The following DOT1L variants were observed in gnomAD, a reference collection of about 807,000 sequenced individuals.
The protein encoded by DOT1L is histone-lysine N-methyltransferase, H3 lysine-79 specific.
DOT1L carries 33 observed loss-of-function variants against 153.3 expected under a neutral mutation model. The observed-to-expected ratio is 0.22, with a 90% CI of 0.16 to 0.29. DOT1L has a LOEUF of 0.29. Among genes scored for constraint, DOT1L ranks in the 10% least tolerant of loss-of-function variants. The pLI, the probability that DOT1L is intolerant of heterozygous loss-of-function variation, is 1.00. For missense variants in DOT1L, 1,847 were observed against 2,119.9 expected (o/e 0.87, Z 2.53); for synonymous variants, 1,135 against 965.1 (o/e 1.18, Z -3.26).
intron 27 of DOT1L, chr19:2,227,909 T>TCCGCCG: frequency 4.0e-6 from 4 of 996,096 alleles, no homozygotes; most frequent in Non-Finnish European, 4.9e-6. Context: ...GGCCGCCCCC[T>TCCGCCG]CCGCCTCCGC....
chr19:2,223,714 A>G (rs1001063756), intron 25 of DOT1L, among the ~76,000 whole-genome samples: 1 of 152,194 alleles, frequency 6.6e-6, no homozygotes, highest in Admixed American at 6.5e-5. Flanking sequence ...GAGCAGGGCC[A>G]TCGGTTAGAA....
chr19:2,226,724 C>T lies in DOT1L; in HGVS notation c.4203C>T (p.Asp1401=). The change falls in exon 27 of 28, where the codon GAC becomes GAT. Residue 1401 remains aspartate, a synonymous_variant. Transcript: ENST00000398665. ...EGGLPLCGPT[D]KTPLLSGKAA... is the part of the protein sequence containing the mutation. ...GCCTACCGCTGTGCGGGCCCACGGA[C>T]AAGACCCCACTGCTGAGCGGCAAGG... 1 of 1,561,746 alleles carries T rather than the reference C, an allele frequency of 6.4e-7. No individual in the cohort carries two copies. The highest frequency in any genetic ancestry group is 8.6e-7 in the Non-Finnish European group (1 of 1,158,696).
At chr19:2,202,898 G>T in intron 9 of DOT1L, 119 bp downstream of exon 9, 1 of 882,596 alleles carries the variant, frequency 1.1e-6, no homozygotes, top group Non-Finnish European at 1.8e-6. Context: ...CAGTCCCCTT[G>T]GAGCCAGGTG....
chr19:2,199,062 C>T (rs932879362), intron 7 of DOT1L, among the ~76,000 whole-genome samples: 2 of 152,280 alleles, frequency 1.3e-5, no homozygotes, highest in African/African-American at 2.4e-5. Context: ...TTTTATTTCT[C>T]CTGGGAATGG....
In DOT1L at chr19:2,211,154, G is replaced by T. The variant is rs765709688; in HGVS notation, c.1407G>T (p.Arg469=). The stretch of plus-strand genomic sequence containing the variant: ...ACCAGCTACCTCCGAGCGTGCAGCG[G>T]CACTCCCCCAACCCGCTGCTGGTGG... ...PFYQLPPSVQ[R]HSPNPLLVAP... The change falls in exon 15 of 28, where the codon CGG becomes CGT. Residue 469 remains arginine (R), a synonymous_variant. Coordinates refer to ENST00000398665, the MANE Select transcript of DOT1L (RefSeq NM_032482.3). 6.2e-6 allele frequency: 10 copies of T among 1,612,838 alleles called. No homozygotes were observed. Among genetic ancestry groups the T allele is most frequent in the Non-Finnish European group, 8.5e-6 (10 of 1,179,746 alleles).
At chr19:2,224,890 G>A (rs2024267098) in intron 25 of DOT1L, among the ~76,000 whole-genome samples, 1 of 152,188 alleles carries the variant, frequency 6.6e-6, no homozygotes, top group African/African-American at 2.4e-5. Flanking sequence ...TGGTTTCCAG[G>A]ATCTTTAGGA....
Position 2,216,422 on chromosome 19 carries a change from C to G in DOT1L, c.2065C>G (p.Arg689Gly), listed in dbSNP as rs375109653. Residue 689 changes from arginine (R) to glycine (G), a missense_variant, in exon 20 of 28, where the codon CGG becomes GGG. Physicochemically the swap from Arg to Gly is moderately radical, Grantham distance 125 (BLOSUM62 -2). Around this residue, in one of 8 missense-constraint regions of DOT1L, gnomAD observed 281 missense variants for 263.6 expected, o/e 1.07. Transcript: ENST00000398665. ...LGRELEPDASRLHLELDCTKF... is the reference protein window; with the variant it reads ...LGRELEPDASGLHLELDCTKF... ...CCGCGAGCTGGAGCCTGACGCCAGC[C>G]GGCTGCACCTGGAGCTGGACTGCAC... 1.2e-5 allele frequency: 19 copies of G among 1,612,524 alleles called. No homozygotes were observed. The highest frequency in any genetic ancestry group is 1.6e-5 in the Non-Finnish European group (19 of 1,179,902).
Position 2,169,091 on chromosome 19 carries a change from ACT to A in DOT1L, c.81+4831_81+4832del, listed in dbSNP as rs2020032664. 2.0e-5 allele frequency among the ~76,000 whole-genome samples: 3 copies of A among 151,798 alleles called. No individual in the cohort carries two copies. The South Asian group carries it at 6.2e-4, about 32-fold the overall frequency. ...CGGCCTCCACTGGCCAAGGGTCCGGACTCTCTGACTCTCATTAATGAGTGAGT... is the reference window on the plus strand; with the variant it reads ...CGGCCTCCACTGGCCAAGGGTCCGGACTCTGACTCTCATTAATGAGTGAGT... On this transcript the variant is annotated intron_variant, in intron 1 of 27. Coordinates refer to ENST00000398665, the MANE Select transcript of DOT1L (RefSeq NM_032482.3).
chr19:2,207,342 G>T lies in DOT1L; in HGVS notation c.857-232G>T, dbSNP rs1212951020. On this transcript the variant is annotated intron_variant, in intron 10 of 27. Coordinates refer to ENST00000398665, the MANE Select transcript of DOT1L (RefSeq NM_032482.3). The surrounding 1 kb of genome is among the most constrained non-coding windows in gnomAD (Gnocchi z 4.5). Reference sequence around the variant, plus strand: ...TCCCCCTCCTTTTCCATTCCACTCAGCTGGGTTTGTGGCTGTTTTTCTGAG... The same window carrying T: ...TCCCCCTCCTTTTCCATTCCACTCATCTGGGTTTGTGGCTGTTTTTCTGAG... 3.3e-5 allele frequency among the ~76,000 whole-genome samples: 5 copies of T among 152,198 alleles called. No individual in the cohort carries two copies. The highest frequency in any genetic ancestry group is 7.4e-5 in the Non-Finnish European group (5 of 68,024).
rs761644315 is a variant in DOT1L, at chr19:2,228,333, G to T, written c.4606+1206G>T. ...TCCCTATGCCGCGCACCTTTCGGGG[G>T]TTAAGCCGCGATAAAGACCTTGCTT... On this transcript the variant is annotated intron_variant, in intron 27 of 27. Coordinates refer to ENST00000398665, the MANE Select transcript of DOT1L (RefSeq NM_032482.3). The T allele has an allele frequency of 1.8e-5, 24 of 1,330,276 alleles. No individual in the cohort carries two copies. In the South Asian group the frequency reaches 2.3e-4, roughly 13 times the overall value. The allele number at this position is 1,330,276 out of a possible 1,614,324, so 82.4% of individuals were successfully genotyped here.
rs372777026 is a variant in DOT1L at position 2,217,101 on chromosome 19, C to G, written c.2544+11C>G. 1.3e-6 allele frequency: 2 copies of G among 1,582,338 alleles called. No individual in the cohort carries two copies. The highest frequency in any genetic ancestry group is 1.7e-6 in the Non-Finnish European group (2 of 1,161,418). Reference sequence around the variant, plus strand: ...AAGAGCAGTGAGAAGGTGCGGGCCGCGACCCCTGCCCCGGGCTCAGGGAGG... The same window carrying G: ...AAGAGCAGTGAGAAGGTGCGGGCCGGGACCCCTGCCCCGGGCTCAGGGAGG... On this transcript the variant is annotated intron_variant, in intron 21 of 27. Coordinates refer to ENST00000398665, the MANE Select transcript of DOT1L (RefSeq NM_032482.3). This position sits in a 1 kb window ranked among gnomAD's most constrained non-coding sequence, Gnocchi z 7.3.
intron 27 of DOT1L, chr19:2,229,084 C>CAGCACCA: frequency 1.0e-6 from 1 of 985,454 alleles, no homozygotes; most frequent in Non-Finnish European, 1.2e-6. Context: ...GCTCAGATGT[C>CAGCACCA]AGCACCAAGC....
chr19:2,211,495 G>A (rs1461313143), intron 15 of DOT1L, among the ~76,000 whole-genome samples: 1 of 152,238 alleles, frequency 6.6e-6, no homozygotes, highest in Admixed American at 6.5e-5. Flanking sequence ...GTGCAGGCCA[G>A]GGATGCTGCT....
At chr19:2,199,686 G>A (rs2144778505) in intron 7 of DOT1L, among the ~76,000 whole-genome samples, 198 bp from the exon 8 acceptor site, 1 of 152,326 alleles carries the variant, frequency 6.6e-6, no homozygotes, top group Non-Finnish European at 1.5e-5. Context: ...AGGAGGTCCT[G>A]CCCGTTCTCT....
chr19:2,228,550 C>A (rs189967403), intron 27 of DOT1L: 1 of 985,212 alleles, frequency 1.0e-6, no homozygotes, highest in Non-Finnish European at 1.2e-6. Context: ...GACTACAGGA[C>A]GGGCACCAGC....
In DOT1L at chr19:2,190,233, C is replaced by T. The variant is rs931604858; in HGVS notation, c.264+438C>T. Among the ~76,000 whole-genome samples the T allele has an allele frequency of 6.6e-6, 1 of 152,176 alleles. No individual in the cohort carries two copies. Among genetic ancestry groups the T allele is most frequent in the East Asian group, 1.9e-4 (1 of 5,190 alleles). On this transcript the variant is annotated intron_variant, in intron 4 of 27. Coordinates refer to ENST00000398665, the MANE Select transcript of DOT1L (RefSeq NM_032482.3). This position sits in a 1 kb window ranked among gnomAD's most constrained non-coding sequence, Gnocchi z 4.8. ...CTTGGGCACCCCGGTCCTGCTGTGTCTCGTGAGGCTTTCCTCACAGAGGAC... is the reference window on the plus strand; with the variant it reads ...CTTGGGCACCCCGGTCCTGCTGTGTTTCGTGAGGCTTTCCTCACAGAGGAC...
intron 9 of DOT1L, among the ~76,000 whole-genome samples, chr19:2,206,078 G>C (rs2023479587): frequency 6.6e-6 from 1 of 151,622 alleles, no homozygotes; most frequent in African/African-American, 2.4e-5. Context: ...CTCACTTGCA[G>C]CTTCCACCTC....
At chr19:2,199,773 C>T (rs2023168299) in intron 7 of DOT1L, 111 bp from the exon 8 acceptor site, 5 of 1,436,792 alleles carry the variant, frequency 3.5e-6, no homozygotes, top group South Asian at 2.6e-5. Flanking sequence ...CCTCCTGCTC[C>T]TTCACTGCAA....
chr19:2,228,220 G>C, intron 27 of DOT1L: 1 of 1,363,558 alleles, frequency 7.3e-7, no homozygotes, highest in Non-Finnish European at 9.8e-7. Flanking sequence ...CCCCTGCCCC[G>C]GCTGGCCCTG....
Sources: gnomAD v4.1 joint callset for allele counts (sites outside exome capture counted in the v4.1 genomes callset) on GRCh38, gnomAD v4.1.1 for gene constraint, gnomAD v4.1.1 regional missense constraint, Gnocchi (gnomAD v3.1) non-coding constraint, MANE v1.5 for transcripts, NCBI Gene and HGNC (gene_info 2026-07-23, HGNC 2026-07-21) for gene names.